The following SLC13A3 variants were observed in gnomAD, a reference collection of about 807,000 sequenced individuals.
SLC13A3 encodes solute carrier family 13 member 3.
A neutral mutation model predicts 59.0 loss-of-function variants in SLC13A3; 40 were observed. The observed-to-expected ratio is 0.68, with a 90% CI of 0.53 to 0.88. The LOEUF is 0.88. Ranked by LOEUF, SLC13A3 falls within the 40% of genes least tolerant of loss-of-function variation. The pLI, the probability that SLC13A3 is intolerant of heterozygous loss-of-function variation, is 0.00. For missense variants in SLC13A3, 699 were observed against 783.2 expected, an observed-to-expected ratio of 0.89 and a Z score of 1.28; for synonymous variants, 317 against 330.3, an observed-to-expected ratio of 0.96 and a Z score of 0.44.
At chr20:46,604,554 T>C (rs917052667) in intron 3 of SLC13A3, among the ~76,000 whole-genome samples, 1 of 152,134 alleles carries the variant, frequency 6.6e-6, no homozygotes, top group Non-Finnish European at 1.5e-5. Flanking sequence ...TCTCGCCCCG[T>C]GGTTTGGGGA....
At chr20:46,569,894 G>T (rs1273440010) in intron 10 of SLC13A3, among the ~76,000 whole-genome samples, 1 of 152,118 alleles carries the variant, frequency 6.6e-6, no homozygotes. Context: ...TTATAAGGGG[G>T]TTTGTTATGG....
intron 1 of SLC13A3, among the ~76,000 whole-genome samples, chr20:46,644,226 G>A (rs188592166): frequency 3.3e-5 from 5 of 152,118 alleles, no homozygotes; most frequent in Admixed American, 1.3e-4. Context: ...ACCAGTTTAC[G>A]ATGGCAACTG....
At chr20:46,562,087 G>A (rs1365961245) in intron 12 of SLC13A3, among the ~76,000 whole-genome samples, 1 of 152,074 alleles carries the variant, frequency 6.6e-6, no homozygotes, top group African/African-American at 2.4e-5. Context: ...TGCCCTCTCA[G>A]TCTTTTTCTC....
At chr20:46,631,892 G>T (rs1170980569) in intron 1 of SLC13A3, among the ~76,000 whole-genome samples, 5 of 152,124 alleles carry the variant, frequency 3.3e-5, no homozygotes, top group Non-Finnish European at 5.9e-5. Flanking sequence ...CCCCCAACTT[G>T]CCCTCTTTGT....
At chr20:46,598,911 G>A (rs929886161) in intron 4 of SLC13A3, among the ~76,000 whole-genome samples, 6 of 151,878 alleles carry the variant, frequency 4.0e-5, no homozygotes, top group African/African-American at 7.3e-5. Context: ...AGCTTTGCAC[G>A]TGCTGGTCCA....
intron 3 of SLC13A3, among the ~76,000 whole-genome samples, chr20:46,603,704 T>C (rs961545909): frequency 1.3e-5 from 2 of 152,104 alleles, no homozygotes; most frequent in Non-Finnish European, 2.9e-5. Flanking sequence ...TTGAATATCA[T>C]ATAATTTTTC....
chr20:46,640,501 C>T (rs1047744873), intron 1 of SLC13A3, among the ~76,000 whole-genome samples: 2 of 152,078 alleles, frequency 1.3e-5, no homozygotes, highest in Non-Finnish European at 2.9e-5. Flanking sequence ...ATTTCAAGGA[C>T]AAACAAAAAG....
chr20:46,652,489 G>A (rs1166593532), upstream of SLC13A3, among the ~76,000 whole-genome samples: 1 of 151,782 alleles, frequency 6.6e-6, no homozygotes, highest in Non-Finnish European at 1.5e-5. Flanking sequence ...TGCCTCCCGG[G>A]TTCAAGCAAT....
At chr20:46,638,830 T>G (rs1314256938) in intron 1 of SLC13A3, among the ~76,000 whole-genome samples, 2 of 152,184 alleles carry the variant, frequency 1.3e-5, no homozygotes, top group Non-Finnish European at 2.9e-5. Context: ...GGGGCTGTCC[T>G]GTGCATGGGA....
At chr20:46,583,011 C>A (rs1032423133) in intron 9 of SLC13A3, 9 of 985,892 alleles carry the variant, frequency 9.1e-6, no homozygotes, top group Non-Finnish European at 1.1e-5. Context: ...CGGTTGAAAC[C>A]CAGCTTGTGT....
At chr20:46,665,061 A>G (rs2063054375) in intron 1 of SLC13A3, among the ~76,000 whole-genome samples, 2 of 151,990 alleles carry the variant, frequency 1.3e-5, no homozygotes, top group Non-Finnish European at 2.9e-5. Context: ...AGTCAGTGTT[A>G]CTGAGATATA....
At chr20:46,655,973 GTATGTATA>G (rs915114536), upstream of SLC13A3, among the ~76,000 whole-genome samples, 21 of 138,546 alleles carry the variant, frequency 1.5e-4, no homozygotes, top group East Asian at 8.3e-4. Context: ...ATGTATATAT[GTATGTATA>G]TATGTATATA....
upstream of SLC13A3, among the ~76,000 whole-genome samples, chr20:46,653,192 C>T (rs940666888): frequency 3.3e-5 from 5 of 152,138 alleles, no homozygotes; most frequent in East Asian, 1.9e-4. Flanking sequence ...TATTTCTCCC[C>T]GTCTGTAGCT....
At chr20:46,584,680 A>C (rs1347083701) in intron 8 of SLC13A3, among the ~76,000 whole-genome samples, 1 of 152,274 alleles carries the variant, frequency 6.6e-6, no homozygotes, top group African/African-American at 2.4e-5. Flanking sequence ...ATATGCCCTT[A>C]GTGAAAGAAT....
intron 3 of SLC13A3, among the ~76,000 whole-genome samples, chr20:46,605,708 G>A (rs575855174): frequency 5.6e-4 from 85 of 152,238 alleles, no homozygotes; most frequent in African/African-American, 2.0e-3. Flanking sequence ...CCCATCCCCT[G>A]AACCTCGGTC....
chr20:46,651,046 T>C, intron 1 of SLC13A3, among the ~76,000 whole-genome samples: 1 of 152,122 alleles, frequency 6.6e-6, no homozygotes, highest in East Asian at 1.9e-4. Context: ...GGCGAGAACC[T>C]GTCACTGAAA....
At chr20:46,663,438 C>T (rs2063043568) in intron 1 of SLC13A3, among the ~76,000 whole-genome samples, 1 of 145,644 alleles carries the variant, frequency 6.9e-6, no homozygotes, top group Non-Finnish European at 1.5e-5. Context: ...GATCGAGACC[C>T]TGTTTCAAAA....
chr20:46,630,430 A>C (rs2062725400), intron 1 of SLC13A3, among the ~76,000 whole-genome samples: 1 of 152,240 alleles, frequency 6.6e-6, no homozygotes, highest in Admixed American at 6.5e-5. Context: ...TCAGAGTTCA[A>C]AAACACTTCA....
intron 3 of SLC13A3, among the ~76,000 whole-genome samples, chr20:46,608,498 C>T (rs935745884): frequency 6.6e-6 from 1 of 152,292 alleles, no homozygotes; most frequent in Non-Finnish European, 1.5e-5. Context: ...AAGACTCTGC[C>T]GTTGCATAGA....
Sources: allele counts gnomAD v4.1 joint callset (sites outside exome capture counted in the v4.1 genomes callset), GRCh38; gene constraint gnomAD v4.1.1; transcripts MANE v1.5; gene names NCBI Gene and HGNC (gene_info 2026-07-23, HGNC 2026-07-21).